The following FERMT2 variants were observed in gnomAD, a reference collection of about 807,000 sequenced individuals.
FERMT2 encodes fermitin family homolog 2.
Under a neutral mutation model 82.7 loss-of-function variants are expected in FERMT2, and 15 were observed. The observed-to-expected ratio is 0.18, with a 90% confidence interval of 0.12 to 0.28. The LOEUF (loss-of-function observed/expected upper bound fraction) is 0.28. Among genes scored for constraint, FERMT2 ranks in the 10% least tolerant of loss-of-function variants. FERMT2 has a pLI of 1.00. For missense variants in FERMT2, 645 were observed against 809.4 expected, an observed-to-expected ratio of 0.80 and a Z score of 2.46; for synonymous variants, 274 against 271.5, an observed-to-expected ratio of 1.01 and a Z score of -0.09.
chr14:52,861,013 C>A (rs747763991), intron 12 of FERMT2: 2 of 1,523,542 alleles, frequency 1.3e-6, no homozygotes, highest in South Asian at 2.6e-5. Flanking sequence ...GGAGAACTTA[C>A]CAAATCTCTT....
At chr14:52,942,427 C>T (rs1034939905) in intron 2 of FERMT2, among the ~76,000 whole-genome samples, 5 of 151,676 alleles carry the variant, frequency 3.3e-5, no homozygotes, top group African/African-American at 4.8e-5. Context: ...CTCAGCCTCC[C>T]GAGTAGCTGC....
In FERMT2 at chr14:52,935,765, A is replaced by G. The variant is rs149635290; in HGVS notation, c.157+14647T>C. The stretch of plus-strand genomic sequence containing the variant: ...AAATTGCAATTTCTTCTACATAGCT[A>G]GTTGAAAACTGGGGAATTCACTCTT... On this transcript the variant is annotated intron_variant, in intron 2 of 14. Transcript: ENST00000341590. 4.6e-3 allele frequency among the ~76,000 whole-genome samples: 695 copies of G among 152,344 alleles called. 4 individuals are homozygous for G. Among genetic ancestry groups the G allele is most frequent in the African/African-American group, 0.015 (611 of 41,572 alleles).
intron 10 of FERMT2, among the ~76,000 whole-genome samples, chr14:52,869,157 C>G (rs1315178663): frequency 6.6e-6 from 1 of 152,154 alleles, no homozygotes; most frequent in Non-Finnish European, 1.5e-5. Flanking sequence ...AAGGTTGCAA[C>G]AGATCCTGAG....
intron 4 of FERMT2, among the ~76,000 whole-genome samples, chr14:52,889,594 T>A (rs1037047273): frequency 1.3e-5 from 2 of 152,200 alleles, no homozygotes; most frequent in African/African-American, 4.8e-5. Context: ...ACAATAGGGA[T>A]AAGTTCTGAG....
chr14:52,946,157 G>A (rs1393952177), intron 2 of FERMT2, among the ~76,000 whole-genome samples: 4 of 152,100 alleles, frequency 2.6e-5, no homozygotes, highest in African/African-American at 7.2e-5. Flanking sequence ...TTAGAGGCAT[G>A]AGCCACCGTG....
chr14:52,885,230 T>C (rs1390579720), intron 4 of FERMT2, among the ~76,000 whole-genome samples: 5 of 139,250 alleles, frequency 3.6e-5, no homozygotes, highest in Middle Eastern at 9.3e-3. Flanking sequence ...GGAGAATCGC[T>C]TGAACCCAGA....
intron 3 of FERMT2, among the ~76,000 whole-genome samples, chr14:52,907,848 G>C (rs1392304196): frequency 6.6e-6 from 1 of 151,408 alleles, no homozygotes; most frequent in East Asian, 1.9e-4. Flanking sequence ...TGGGACAACA[G>C]AGTTCATAAA....
At chr14:52,877,397 T>G (rs1886024386) in intron 7 of FERMT2, among the ~76,000 whole-genome samples, 1 of 152,064 alleles carries the variant, frequency 6.6e-6, no homozygotes, top group Non-Finnish European at 1.5e-5. Context: ...TTCAAGAAAT[T>G]CACCAGAGAG....
chr14:52,858,621 G>T, intron 14 of FERMT2, 71 bp from the exon 15 acceptor site: 1 of 1,390,682 alleles, frequency 7.2e-7, no homozygotes, highest in Non-Finnish European at 1.0e-6. Flanking sequence ...AAACTACTGT[G>T]CTACTTAAAG....
Position 52,916,816 on chromosome 14 carries a change from G to A in FERMT2, c.391+2307C>T, listed in dbSNP as rs142100766. Among the ~76,000 whole-genome samples, 1,131 of 152,268 alleles carry A rather than the reference G, an allele frequency of 7.4e-3. 22 individuals are homozygous for A. The highest frequency in any genetic ancestry group is 0.026 in the African/African-American group (1,069 of 41,542). Reference sequence around the variant, plus strand: ...GTATGTGGGAATTCTCTGTACTTTTGCTCAACTTTGCTGTGAACCTACAAC... The same window carrying A: ...GTATGTGGGAATTCTCTGTACTTTTACTCAACTTTGCTGTGAACCTACAAC... On this transcript the variant is annotated intron_variant, in intron 3 of 14. Transcript: ENST00000341590.
intron 3 of FERMT2, among the ~76,000 whole-genome samples, chr14:52,917,271 CGTGTGT>C (rs150322009): frequency 1.0e-4 from 15 of 147,646 alleles, no homozygotes; most frequent in South Asian, 2.2e-4. Context: ...CACAGAGATA[CGTGTGT>C]GTGTGTGTGT....
In FERMT2 at chr14:52,883,905, C is replaced by T. The variant is rs377348498; in HGVS notation, c.527-2436G>A. 7.9e-5 allele frequency among the ~76,000 whole-genome samples: 12 copies of T among 152,276 alleles called. No homozygotes were observed. In the East Asian group the frequency reaches 1.7e-3, roughly 22 times the overall value. On this transcript the variant is annotated intron_variant, in intron 4 of 14. Transcript: ENST00000341590. ...AAGTGCTGGCTCCTCCTCCGCCTTCCGCTGTAATTGTAAGTTTCCTGAGGC... is the reference window on the plus strand; with the variant it reads ...AAGTGCTGGCTCCTCCTCCGCCTTCTGCTGTAATTGTAAGTTTCCTGAGGC...
At chr14:52,874,993 G>T (rs1247403443) in intron 8 of FERMT2, among the ~76,000 whole-genome samples, 1 of 152,130 alleles carries the variant, frequency 6.6e-6, no homozygotes, top group Non-Finnish European at 1.5e-5. Context: ...GTTTGAGAAT[G>T]CAGTGACCTA....
At chr14:52,947,956 T>G (rs767999940) in intron 2 of FERMT2, among the ~76,000 whole-genome samples, 1 of 152,230 alleles carries the variant, frequency 6.6e-6, no homozygotes, top group Non-Finnish European at 1.5e-5. Context: ...TTGGTATTCA[T>G]ATACCGTCCA....
At chr14:52,904,276 G>C (rs1204363100) in intron 3 of FERMT2, among the ~76,000 whole-genome samples, 6 of 152,198 alleles carry the variant, frequency 3.9e-5, no homozygotes, top group African/African-American at 1.4e-4. Context: ...CAGCACTTTG[G>C]GAGGCCAAGG....
At chr14:52,917,992 T>A (rs1394059490) in intron 3 of FERMT2, among the ~76,000 whole-genome samples, 1 of 152,224 alleles carries the variant, frequency 6.6e-6, no homozygotes, top group African/African-American at 2.4e-5. Context: ...GAAGATTGGG[T>A]ACTCTGGCGC....
At chr14:52,928,116 A>G in intron 2 of FERMT2, 1 of 255,082 alleles carries the variant, frequency 3.9e-6, no homozygotes, top group Non-Finnish European at 8.6e-6. Context: ...GGGAGGATAA[A>G]TTTCTAGTTG....
intron 2 of FERMT2, among the ~76,000 whole-genome samples, chr14:52,949,984 T>C (rs1164832711): frequency 1.3e-5 from 2 of 152,170 alleles, no homozygotes; most frequent in East Asian, 3.9e-4. Flanking sequence ...TTTTCTTAAA[T>C]GGATTTTGCA....
At chr14:52,943,069 G>A (rs980220742) in intron 2 of FERMT2, among the ~76,000 whole-genome samples, 3 of 150,870 alleles carry the variant, frequency 2.0e-5, no homozygotes, top group South Asian at 2.1e-4. Flanking sequence ...AAAAATTAGC[G>A]TGGTGGCGGG....
Sources: allele counts gnomAD v4.1 joint callset (sites outside exome capture counted in the v4.1 genomes callset), GRCh38; gene constraint gnomAD v4.1.1; transcripts MANE v1.5; gene names NCBI Gene and HGNC (gene_info 2026-07-23, HGNC 2026-07-21).